HPN: variants seen among roughly 807,000 people sequenced by gnomAD.
The protein encoded by HPN is hepsin.
In HPN, 13 loss-of-function variants were observed where a neutral mutation model predicts 55.9. That is an observed-to-expected ratio of 0.23 (90% CI 0.15 to 0.37). The LOEUF (loss-of-function observed/expected upper bound fraction) is 0.37, where lower values mean the gene tolerates loss of function less well. HPN is among the 10% of genes least tolerant of loss of function. The pLI is 1.00. For synonymous variants in HPN, 225 were observed against 240.3 expected, an observed-to-expected ratio of 0.94 and a Z score of 0.59; for missense variants, 451 against 575.8, an observed-to-expected ratio of 0.78 and a Z score of 2.22.
chr19:35,059,489 A>C, intron 4 of HPN, 184 bp from the exon 5 acceptor site: 1 of 789,534 alleles, frequency 1.3e-6, no homozygotes, highest in Non-Finnish European at 2.1e-6. Flanking sequence ...CTTTAAAAAA[A>C]AAAAGTCCTT....
rs866425314 is a variant in HPN, at chr19:35,065,209, G to A, written c.812-41G>A. ...TGGACAGAGGTTTGTACCAGGTGGG[G>A]CAGGCCAGCGGGGGCTGGACCAGCA... On this transcript the variant is annotated intron_variant, in intron 9 of 12. Transcript: ENST00000672452. 3.5e-6 allele frequency: 5 copies of A among 1,447,490 alleles called. No homozygotes were observed. In the Middle Eastern group the frequency reaches 7.2e-4, roughly 210 times the overall value. The allele number at this position is 1,447,490 out of a possible 1,614,324, so 89.7% of individuals were successfully genotyped here.
At chr19:35,063,482 G>A (rs1389260196) in intron 9 of HPN, among the ~76,000 whole-genome samples, 1 of 152,196 alleles carries the variant, frequency 6.6e-6, no homozygotes, top group African/African-American at 2.4e-5. Flanking sequence ...GCTGAAGCGG[G>A]CAGATCACTT....
At chr19:35,064,328 CT>C (rs2064573784) in intron 9 of HPN, among the ~76,000 whole-genome samples, 1 of 151,984 alleles carries the variant, frequency 6.6e-6, no homozygotes, top group African/African-American at 2.4e-5. Context: ...GTCTCTCTCT[CT>C]CTCTCTCTCT....
At chr19:35,048,064 G>GAAAA (rs763630213) in intron 2 of HPN, among the ~76,000 whole-genome samples, 1 of 53,490 alleles carries the variant, frequency 1.9e-5, no homozygotes, top group Non-Finnish European at 3.3e-5. Flanking sequence ...AAGAAAGAAA[G>GAAAA]AAAGAAAGAA....
chr19:35,046,977 T>C (rs1016027313), intron 2 of HPN, among the ~76,000 whole-genome samples: 104 of 152,226 alleles, frequency 6.8e-4, no homozygotes, highest in African/African-American at 2.3e-3. Context: ...TACAGGTGCC[T>C]GCCACTGCGC....
rs765429585 is a variant in HPN at position 35,065,939 on chromosome 19, T to C, written c.1122T>C (p.Ile374=). The change falls in exon 12 of 13, where the codon ATT becomes ATC. Residue 374 remains isoleucine (I), a synonymous_variant. Coordinates refer to ENST00000672452, the MANE Select transcript of HPN (RefSeq NM_001384133.1). ...SRTPRWRLCG[I]VSWGTGCALA... is the part of the protein sequence containing the mutation. ...CGCCACGTTGGCGGCTGTGTGGCAT[T>C]GTGAGTTGGGGCACTGGCTGTGCCC... 2 of 1,613,868 alleles carry C rather than the reference T, an allele frequency of 1.2e-6. No individual in the cohort carries two copies. Among genetic ancestry groups the C allele is most frequent in the Non-Finnish European group, 1.7e-6 (2 of 1,180,028 alleles).
In HPN at chr19:35,065,981, C is replaced by T. The variant is rs1289148377; in HGVS notation, c.1164C>T (p.Gly388=). 4.3e-6 allele frequency: 7 copies of T among 1,613,190 alleles called. No homozygotes were observed. The East Asian group carries it at 8.9e-5, about 21-fold the overall frequency. The part of the protein sequence containing the change: ...GTGCALAQKP[G]VYTKVSDFRE... Reference sequence around the variant, plus strand: ...GCTGTGCCCTGGCCCAGAAGCCAGGCGTCTACACCAAAGTCAGTGACTTCC... The same window carrying T: ...GCTGTGCCCTGGCCCAGAAGCCAGGTGTCTACACCAAAGTCAGTGACTTCC... The change falls in exon 12 of 13, where the codon GGC becomes GGT. Residue 388 remains glycine (G), a synonymous_variant. Coordinates refer to ENST00000672452, the MANE Select transcript of HPN (RefSeq NM_001384133.1).
rs373131415 is a variant in HPN, at chr19:35,066,290, G to C, written c.*3G>C. ...GCGGCATGGTGACCCAGCTCTGACC[G>C]GTGGCTTCTCGCTGCGCAGCCTCCA... On this transcript the variant is annotated 3_prime_UTR_variant, in exon 13 of 13. Coordinates refer to ENST00000672452, the MANE Select transcript of HPN (RefSeq NM_001384133.1). 6.2e-7 allele frequency: 1 copy of C among 1,611,210 alleles called. No individual in the cohort carries two copies. Among genetic ancestry groups the C allele is most frequent in the African/African-American group, 1.3e-5 (1 of 74,948 alleles).
At chr19:35,064,542 T>C (rs2064578017) in intron 9 of HPN, among the ~76,000 whole-genome samples, 1 of 151,652 alleles carries the variant, frequency 6.6e-6, no homozygotes, top group African/African-American at 2.4e-5. Context: ...GCAGGAGGAT[T>C]GCTTGAGCCC....
At position 35,060,448 on chromosome 19, in the gene HPN, C is replaced by T. The variant is rs1162445129; in HGVS notation, c.556C>T (p.His186Tyr). The change falls in exon 8 of 13, where the codon CAC becomes TAC. Residue 186 changes from histidine (H) to tyrosine (Y), a missense_variant. Physicochemically the swap from His to Tyr is moderately conservative, Grantham distance 83. Around this residue, in one of 2 missense-constraint regions of HPN, gnomAD observed 378 missense variants for 445.5 expected, o/e 0.85. Coordinates refer to ENST00000672452, the MANE Select transcript of HPN (RefSeq NM_001384133.1). Reference sequence around the variant, plus strand: ...AGTCAGCCTTCGCTATGATGGAGCACACCTCTGTGGGGGATCCCTGCTCTC... The same window carrying T: ...AGTCAGCCTTCGCTATGATGGAGCATACCTCTGTGGGGGATCCCTGCTCTC... ...WQVSLRYDGA[H>Y]LCGGSLLSGD... The T allele has an allele frequency of 1.2e-6, 2 of 1,613,474 alleles. No homozygotes were observed. Among genetic ancestry groups the T allele is most frequent in the South Asian group, 1.1e-5 (1 of 91,084 alleles).
chr19:35,058,007 G>T (rs1191879262), intron 4 of HPN, among the ~76,000 whole-genome samples: 3 of 151,606 alleles, frequency 2.0e-5, no homozygotes, highest in Non-Finnish European at 4.4e-5. Flanking sequence ...AAAAAAATTA[G>T]CTGGGCATGG....
At chr19:35,056,769 T>C (rs1039372930) in intron 4 of HPN, among the ~76,000 whole-genome samples, 1 of 152,240 alleles carries the variant, frequency 6.6e-6, no homozygotes, top group South Asian at 2.1e-4. Flanking sequence ...TCACTGGGCA[T>C]GGAGTATGTG....
rs550193236 is a variant in HPN, at chr19:35,066,166, T to G, written c.1216-83T>G. 33 of 1,613,558 alleles carry G rather than the reference T, an allele frequency of 2.0e-5. No homozygotes were observed. The Admixed American group carries it at 4.3e-4, about 21-fold the overall frequency. The stretch of plus-strand genomic sequence containing the variant: ...GCCCCCCTTGGGAACAGATGGACTT[T>G]GAAGGGTTCCTGGGGAAGGGAAGCC... On this transcript the variant is annotated intron_variant, in intron 12 of 12. Coordinates refer to ENST00000672452, the MANE Select transcript of HPN (RefSeq NM_001384133.1).
chr19:35,046,867 C>T (rs1268035963), intron 2 of HPN, among the ~76,000 whole-genome samples: 1 of 152,018 alleles, frequency 6.6e-6, no homozygotes, highest in Non-Finnish European at 1.5e-5. Context: ...CTCGCTCTGT[C>T]GCCCAAGCTG....
At chr19:35,061,361 A>C (rs1239052087) in intron 9 of HPN, among the ~76,000 whole-genome samples, 1 of 151,906 alleles carries the variant, frequency 6.6e-6, no homozygotes, top group African/African-American at 2.4e-5. Context: ...CCTGGCCAAC[A>C]TGGTGAAACT....
At position 35,059,933 on chromosome 19, in the gene HPN, T is replaced by G; in HGVS notation, c.350T>G (p.Phe117Cys). The G allele has an allele frequency of 6.5e-7, 1 of 1,528,492 alleles. No homozygotes were observed. Among genetic ancestry groups the G allele is most frequent in the Non-Finnish European group, 8.8e-7 (1 of 1,139,170 alleles). The allele number at this position is 1,528,492 out of a possible 1,614,324, so 94.7% of individuals were successfully genotyped here. A position where few individuals can be genotyped will look rare whatever the true frequency, so the allele number is the denominator to read the frequency against. The stretch of plus-strand genomic sequence containing the variant: ...GCGGGCGCCAATGGCACGTCGGGCT[T>G]CTTCTGTGTGGACGAGGGGAGGCTG... ...RTAGANGTSGFFCVDEGRLPH... is the reference protein window; with the variant it reads ...RTAGANGTSGCFCVDEGRLPH... Residue 117 changes from phenylalanine to cysteine, a missense_variant, in exon 6 of 13, where the codon TTC becomes TGC. Physicochemically the swap from Phe to Cys is radical, Grantham distance 205. Coordinates refer to ENST00000672452, the MANE Select transcript of HPN (RefSeq NM_001384133.1).
chr19:35,051,879 C>T (rs751610396), intron 4 of HPN, among the ~76,000 whole-genome samples: 4 of 152,108 alleles, frequency 2.6e-5, no homozygotes, highest in South Asian at 2.1e-4. Flanking sequence ...AGAGACAGAG[C>T]GAAGGGATCA....
intron 4 of HPN, chr19:35,050,400 G>A (rs771629234): frequency 1.3e-6 from 1 of 771,580 alleles, no homozygotes. Flanking sequence ...GGGATTACAG[G>A]CATGAGCCAC....
intron 4 of HPN, among the ~76,000 whole-genome samples, chr19:35,056,303 C>T (rs1204511291): frequency 1.3e-5 from 2 of 152,150 alleles, no homozygotes; most frequent in East Asian, 3.8e-4. Context: ...CTTATTTGTC[C>T]CTTTCTTGAT....
Sources: allele counts gnomAD v4.1 joint callset (sites outside exome capture counted in the v4.1 genomes callset), GRCh38; gene constraint gnomAD v4.1.1; regional missense constraint gnomAD v4.1.1; transcripts MANE v1.5; gene names NCBI Gene and HGNC (gene_info 2026-07-23, HGNC 2026-07-21).